Variants in GRIP1 observed in about 807,000 individuals in gnomAD.
The protein encoded by GRIP1 is glutamate receptor-interacting protein 1.
GRIP1 carries 45 observed loss-of-function variants against 129.9 expected under a neutral mutation model. The ratio of observed to expected loss-of-function variants is 0.35; its 90% CI spans 0.27 to 0.44. GRIP1 has a LOEUF of 0.44. Ranked by LOEUF, GRIP1 falls within the 20% of genes least tolerant of loss-of-function variation. The pLI, the probability that GRIP1 is intolerant of heterozygous loss-of-function variation, is 1.00. For synonymous variants in GRIP1, 530 were observed against 520.8 expected, an observed-to-expected ratio of 1.02 and a Z score of -0.24; for missense variants, 1,196 against 1,396.8, an observed-to-expected ratio of 0.86 and a Z score of 2.29.
At chr12:66,581,387 C>T (rs201452246) in intron 2 of GRIP1, among the ~76,000 whole-genome samples, 22,672 of 149,820 alleles carry the variant, frequency 0.15, 2,018 homozygotes, top group East Asian at 0.32. Context: ...TAGCAGAAGG[C>T]AAGAAATAAC....
At chr12:66,449,137 C>A (rs942643239) in intron 11 of GRIP1, among the ~76,000 whole-genome samples, 4 of 152,188 alleles carry the variant, frequency 2.6e-5, no homozygotes, top group Non-Finnish European at 5.9e-5. Context: ...AATACATGGT[C>A]CCGTTTCAGC....
intron 1 of GRIP1, among the ~76,000 whole-genome samples, chr12:66,686,613 G>A (rs1398005080): frequency 2.6e-5 from 4 of 151,984 alleles, no homozygotes; most frequent in African/African-American, 9.7e-5. Flanking sequence ...TGTGGCATAG[G>A]AAGGAGCTAA....
rs138358268 is a variant in GRIP1 at position 66,666,761 on chromosome 12, G to A, written c.55+12089C>T. 3.9e-3 allele frequency among the ~76,000 whole-genome samples: 597 copies of A among 151,928 alleles called. 6 individuals are homozygous for A. Among genetic ancestry groups the A allele is most frequent in the African/African-American group, 0.014 (569 of 41,464 alleles). On this transcript the variant is annotated intron_variant, in intron 1 of 24. Transcript: ENST00000359742. ...TAATCTCCAGTCATTTTTTTTCTAAGAGCATGTGTTGGATTTAAATTTTCT... is the reference window on the plus strand; with the variant it reads ...TAATCTCCAGTCATTTTTTTTCTAAAAGCATGTGTTGGATTTAAATTTTCT...
intron 1 of GRIP1, among the ~76,000 whole-genome samples, chr12:66,889,277 T>C (rs1180178955): frequency 1.3e-5 from 2 of 152,086 alleles, no homozygotes; most frequent in African/African-American, 4.8e-5. Flanking sequence ...CTGGCCAACA[T>C]AGTGAAACCC....
chr12:66,543,975 A>C (rs959204206), intron 2 of GRIP1, among the ~76,000 whole-genome samples: 1 of 152,126 alleles, frequency 6.6e-6, no homozygotes, highest in South Asian at 2.1e-4. Flanking sequence ...TTCTACTCCA[A>C]GTTTTCAAGG....
chr12:66,804,044 A>G, intron 1 of GRIP1: 1 of 449,988 alleles, frequency 2.2e-6, no homozygotes, highest in South Asian at 1.6e-5. Flanking sequence ...GATGGAGAGA[A>G]GCGCTTACTT....
intron 14 of GRIP1, among the ~76,000 whole-genome samples, chr12:66,425,715 C>T (rs1042190137): frequency 3.3e-5 from 5 of 152,050 alleles, no homozygotes; most frequent in Admixed American, 6.5e-5. Context: ...AGCAAACTAT[C>T]GCAAGGACAA....
chr12:66,811,738 T>C (rs1289353980), intron 1 of GRIP1, among the ~76,000 whole-genome samples: 1 of 152,182 alleles, frequency 6.6e-6, no homozygotes, highest in Non-Finnish European at 1.5e-5. Context: ...TACATATTTA[T>C]TTATTTATAT....
At chr12:66,946,785 T>TGGGGGGGGG (rs537292136) in intron 1 of GRIP1, among the ~76,000 whole-genome samples, 1 of 26,856 alleles carries the variant, frequency 3.7e-5, no homozygotes, top group African/African-American at 1.5e-4. Flanking sequence ...GGGTGGGGGA[T>TGGGGGGGGG]GGGGGGGGTG....
In GRIP1 at chr12:66,809,551, C is replaced by T. The variant is rs145898081; in HGVS notation, c.59-212624G>A. Among the ~76,000 whole-genome samples the T allele has an allele frequency of 1.5e-3, 235 of 152,270 alleles. 1 individual carries two copies. Among genetic ancestry groups the T allele is most frequent in the African/African-American group, 5.1e-3 (211 of 41,562 alleles). ...TGTTCTCTGGCACTAATGGTATTCT[C>T]ATTAGACCCACTCCTACTTTATTGT... is the stretch of plus-strand genomic sequence containing the variant. On this transcript the variant is annotated intron_variant, in intron 1 of 1. Transcript: ENST00000643019.
At chr12:67,056,880 G>A (rs181681218) in intron 1 of GRIP1, among the ~76,000 whole-genome samples, 40 of 152,134 alleles carry the variant, frequency 2.6e-4, no homozygotes, top group Middle Eastern at 3.4e-3. Context: ...GCATGTTCTC[G>A]GCTCACTGCA....
intron 1 of GRIP1, among the ~76,000 whole-genome samples, chr12:66,650,989 A>C (rs7961999): frequency 2.6e-5 from 4 of 152,218 alleles, no homozygotes; most frequent in African/African-American, 9.6e-5. Context: ...TAAGGACTAA[A>C]AGGGTTAATA....
At chr12:66,692,606 G>A (rs2035018518) in intron 1 of GRIP1, among the ~76,000 whole-genome samples, 1 of 152,166 alleles carries the variant, frequency 6.6e-6, no homozygotes. Flanking sequence ...ATGATGAGAT[G>A]GATTTTACAG....
chr12:66,987,697 C>T (rs548333685), intron 1 of GRIP1, among the ~76,000 whole-genome samples: 1 of 152,262 alleles, frequency 6.6e-6, no homozygotes, highest in East Asian at 1.9e-4. Flanking sequence ...CTAAGCTGAC[C>T]TTTCATTAAG....
At chr12:66,665,847 GT>G (rs1041599758) in intron 1 of GRIP1, among the ~76,000 whole-genome samples, 1 of 152,112 alleles carries the variant, frequency 6.6e-6, no homozygotes, top group African/African-American at 2.4e-5. Flanking sequence ...CTACCGAACA[GT>G]TTTCTAAAAG....
intron 1 of GRIP1, among the ~76,000 whole-genome samples, chr12:67,023,696 A>G (rs778504691): frequency 2.0e-5 from 3 of 152,124 alleles, no homozygotes; most frequent in Admixed American, 6.6e-5. Context: ...TCTATAGATT[A>G]AGCAGTGGAA....
intron 1 of GRIP1, among the ~76,000 whole-genome samples, chr12:66,744,534 A>C (rs1460670043): frequency 1.3e-5 from 2 of 152,126 alleles, no homozygotes; most frequent in African/African-American, 4.8e-5. Context: ...TCTGACCGCC[A>C]AGATTTGTTT....
At chr12:66,603,197 C>G (rs1416427739) in intron 1 of GRIP1, among the ~76,000 whole-genome samples, 1 of 151,412 alleles carries the variant, frequency 6.6e-6, no homozygotes, top group East Asian at 1.9e-4. Flanking sequence ...AAAAAAACAC[C>G]CAAACAGAGC....
intron 1 of GRIP1, among the ~76,000 whole-genome samples, chr12:66,966,943 T>C (rs907456470): frequency 9.2e-5 from 14 of 152,190 alleles, no homozygotes; most frequent in Non-Finnish European, 4.4e-5. Flanking sequence ...TTCTTGAGAG[T>C]GAAGTATCTG....
Sources: allele counts gnomAD v4.1 joint callset (sites outside exome capture counted in the v4.1 genomes callset), GRCh38; gene constraint gnomAD v4.1.1; transcripts MANE v1.5; gene names NCBI Gene and HGNC (gene_info 2026-07-23, HGNC 2026-07-21).